SYN3: variants seen among roughly 807,000 people sequenced by gnomAD.
The protein encoded by SYN3 is synapsin III, also known as synapsin-3.
SYN3 carries 35 observed loss-of-function variants against 65.8 expected under a neutral mutation model. That is an observed-to-expected ratio of 0.53 (90% CI 0.41 to 0.70). The LOEUF (loss-of-function observed/expected upper bound fraction) is 0.70, where lower values mean the gene tolerates loss of function less well. Ranked by LOEUF, SYN3 falls within the 30% of genes least tolerant of loss-of-function variation. SYN3 has a pLI of 0.00. For missense variants in SYN3, 680 were observed against 749.0 expected (o/e 0.91, Z 1.08); for synonymous variants, 270 against 292.9 (o/e 0.92, Z 0.80).
At chr22:32,777,033 A>G (rs2045923771) in intron 6 of SYN3, among the ~76,000 whole-genome samples, 1 of 152,110 alleles carries the variant, frequency 6.6e-6, no homozygotes, top group Admixed American at 6.5e-5. Context: ...TCAAGCCTGA[A>G]TCCAGCCTTG....
chr22:32,830,962 T>C (rs1008606542), intron 6 of SYN3, among the ~76,000 whole-genome samples: 5 of 152,176 alleles, frequency 3.3e-5, no homozygotes, highest in Admixed American at 1.3e-4. Context: ...TGTTTTTTTT[T>C]CCCCAACCAG....
chr22:32,997,700 T>C lies in SYN3; in HGVS notation c.311+8652A>G, dbSNP rs558050477. Among the ~76,000 whole-genome samples, 54 of 152,106 alleles carry C rather than the reference T, an allele frequency of 3.6e-4. 2 individuals are homozygous for C. In the South Asian group the frequency reaches 9.6e-3, roughly 27 times the overall value. On this transcript the variant is annotated intron_variant, in intron 2 of 13. Transcript: ENST00000358763. Reference sequence around the variant, plus strand: ...ACAGCCAATGTGATTTTCAGCTGGATTGAGTCAAGGTGAGAGGGAAAAAGA... The same window carrying C: ...ACAGCCAATGTGATTTTCAGCTGGACTGAGTCAAGGTGAGAGGGAAAAAGA...
intron 6 of SYN3, among the ~76,000 whole-genome samples, chr22:32,633,914 C>A (rs1418610540): frequency 6.6e-6 from 1 of 151,996 alleles, no homozygotes; most frequent in Non-Finnish European, 1.5e-5. Context: ...TGTGAGCCAC[C>A]CAACCTGGCA....
intron 3 of SYN3, among the ~76,000 whole-genome samples, chr22:32,964,414 T>A (rs1601800216): frequency 2.6e-5 from 2 of 77,202 alleles, no homozygotes; most frequent in African/African-American, 5.9e-5. Context: ...AAACTTAAAG[T>A]ATAATAAAAA....
chr22:32,718,854 A>G (rs2061076160), intron 6 of SYN3, among the ~76,000 whole-genome samples: 1 of 152,194 alleles, frequency 6.6e-6, no homozygotes, highest in African/African-American at 2.4e-5. Flanking sequence ...ACCGGCACCC[A>G]GCGTTCCTTT....
chr22:32,579,941 C>T (rs556777192), intron 7 of SYN3, among the ~76,000 whole-genome samples: 5 of 152,270 alleles, frequency 3.3e-5, no homozygotes, highest in East Asian at 1.9e-4. Context: ...ACAGTGTGAC[C>T]GTGAAATTGA....
rs1055758986 is a variant in SYN3 at position 32,513,503 on chromosome 22, T to A, written c.*189A>T. The stretch of plus-strand genomic sequence containing the variant: ...AAAGGCCCACCTCACAGTCAGACAA[T>A]GCTGGAATGTCACGGTGAAGGAAAA... On this transcript the variant is annotated 3_prime_UTR_variant, in exon 14 of 14. Transcript: ENST00000358763. The A allele has an allele frequency of 1.3e-6, 1 of 752,066 alleles. No homozygotes were observed. Among genetic ancestry groups the A allele is most frequent in the Admixed American group, 3.0e-5 (1 of 33,336 alleles). 46.6% of individuals were successfully genotyped at this position (752,066 alleles called of 1,614,324 possible). A position where few individuals can be genotyped will look rare whatever the true frequency, so the allele number is the denominator to read the frequency against.
intron 1 of SYN3, among the ~76,000 whole-genome samples, chr22:33,009,530 T>A (rs1262365117): frequency 3.9e-5 from 6 of 152,162 alleles, no homozygotes; most frequent in African/African-American, 1.4e-4. Flanking sequence ...CTTTCTCAGA[T>A]ACGTACATTG....
intron 1 of SYN3, among the ~76,000 whole-genome samples, chr22:33,037,037 T>G (rs915229860): frequency 1.3e-5 from 2 of 152,178 alleles, no homozygotes; most frequent in African/African-American, 4.8e-5. Context: ...CTCCCAGCGC[T>G]TCCAAGTGTA....
In SYN3 at chr22:32,742,040, G is replaced by A. The variant is rs192916734; in HGVS notation, c.711+122875C>T. Among the ~76,000 whole-genome samples, 1,180 of 151,856 alleles carry A rather than the reference G, an allele frequency of 7.8e-3. 24 individuals carry two copies. Among genetic ancestry groups the A allele is most frequent in the Non-Finnish European group, 7.0e-3 (479 of 67,950 alleles). On this transcript the variant is annotated intron_variant, in intron 6 of 13. Transcript: ENST00000358763. ...TGTAATCCCAGCACTTTGGGAGCCCGAGGCAGGCGGATCACGAGGTCAGGA... is the reference window on the plus strand; with the variant it reads ...TGTAATCCCAGCACTTTGGGAGCCCAAGGCAGGCGGATCACGAGGTCAGGA...
At chr22:32,556,461 A>C (rs2058497269) in intron 7 of SYN3, among the ~76,000 whole-genome samples, 1 of 152,188 alleles carries the variant, frequency 6.6e-6, no homozygotes, top group Non-Finnish European at 1.5e-5. Context: ...TCTAGAAACG[A>C]AACTACTTCG....
At chr22:32,524,736 T>G (rs1344118755) in intron 12 of SYN3, among the ~76,000 whole-genome samples, 1 of 152,188 alleles carries the variant, frequency 6.6e-6, no homozygotes, top group African/African-American at 2.4e-5. Flanking sequence ...TTTGGCCAGG[T>G]GCAGTGGCTC....
intron 4 of SYN3, among the ~76,000 whole-genome samples, chr22:32,909,659 C>T (rs2049999435): frequency 8.2e-6 from 1 of 122,304 alleles, no homozygotes; most frequent in African/African-American, 3.1e-5. Context: ...TGAAATTTGG[C>T]CGGCTCAGTG....
At chr22:33,028,694 G>GTGGTGGTGGTGGTGGTGA (rs1569413510) in intron 1 of SYN3, among the ~76,000 whole-genome samples, 17 of 131,222 alleles carry the variant, frequency 1.3e-4, no homozygotes, top group East Asian at 6.6e-4. Flanking sequence ...GGTGGTGATG[G>GTGGTGGTGGTGGTGGTGA]TGGTGGTGGT....
intron 9 of SYN3, among the ~76,000 whole-genome samples, chr22:32,535,756 A>G (rs1484412897): frequency 6.7e-6 from 1 of 150,056 alleles, no homozygotes; most frequent in Non-Finnish European, 1.5e-5. Context: ...GCAGGCGTAC[A>G]GCAGCGTGAG....
chr22:33,010,468 G>T (rs567053602), intron 1 of SYN3, among the ~76,000 whole-genome samples: 1 of 152,118 alleles, frequency 6.6e-6, no homozygotes, highest in Non-Finnish European at 1.5e-5. Flanking sequence ...TGGCCTTGTT[G>T]GCACCAATTG....
rs541408206 is a variant in SYN3, at chr22:32,764,062, C to T, written c.711+100853G>A. On this transcript the variant is annotated intron_variant, in intron 6 of 13. Transcript: ENST00000358763. The stretch of plus-strand genomic sequence containing the variant: ...AAGTGATTCTCCTGCCTCAGCCTCC[C>T]GACTAGCTGGGATTACAGGCATCCA... 5.3e-5 allele frequency among the ~76,000 whole-genome samples: 8 copies of T among 151,958 alleles called. No homozygotes were observed. The South Asian group carries it at 1.5e-3, about 28-fold the overall frequency.
chr22:32,878,677 T>C (rs2049043977), intron 4 of SYN3, among the ~76,000 whole-genome samples: 1 of 152,222 alleles, frequency 6.6e-6, no homozygotes, highest in Admixed American at 6.5e-5. Context: ...ATTTCCACAA[T>C]GCTCTCTTCA....
intron 6 of SYN3, among the ~76,000 whole-genome samples, chr22:32,818,715 G>C (rs2146042377): frequency 6.6e-6 from 1 of 152,312 alleles, no homozygotes; most frequent in East Asian, 1.9e-4. Flanking sequence ...AGTCAGAAAA[G>C]CTGATGTCAC....
Sources: gnomAD v4.1 joint callset for allele counts (sites outside exome capture counted in the v4.1 genomes callset) on GRCh38, gnomAD v4.1.1 for gene constraint, MANE v1.5 for transcripts, NCBI Gene and HGNC (gene_info 2026-07-23, HGNC 2026-07-21) for gene names.